The following TULP4 variants were observed in gnomAD, a reference collection of about 807,000 sequenced individuals.
TULP4 encodes the protein tubby-related protein 4.
TULP4 carries 16 observed loss-of-function variants against 129.0 expected under a neutral mutation model. That is an observed-to-expected ratio of 0.12 (90% CI 0.08 to 0.19). The LOEUF is 0.19. TULP4 is among the 10% of genes least tolerant of loss of function. The probability of loss-of-function intolerance (pLI) is 1.00; values close to 1 mark genes in which losing one functional copy is unlikely to be tolerated. For missense variants in TULP4, 1,842 were observed against 2,059.1 expected (o/e 0.89, Z 2.04); for synonymous variants, 998 against 854.0 (o/e 1.17, Z -2.94).
At chr6:158,386,205 AT>A (rs1206088169) in intron 1 of TULP4, among the ~76,000 whole-genome samples, 2 of 151,808 alleles carry the variant, frequency 1.3e-5, no homozygotes, top group East Asian at 1.9e-4. Context: ...CTCACCCTAA[AT>A]TTTTTTTATT....
rs56898948 is a variant in TULP4, at chr6:158,318,899, A to AT, written c.252+4657dup. Among the ~76,000 whole-genome samples the AT allele has an allele frequency of 9.5e-3, 1,298 of 136,822 alleles. 22 individuals carry two copies. The highest frequency in any genetic ancestry group is 0.031 in the African/African-American group (1,099 of 35,620). 89.8% of individuals were successfully genotyped at this position (136,822 alleles called of 152,430 possible). On this transcript the variant is annotated intron_variant, in intron 1 of 13. Coordinates refer to ENST00000367097, the MANE Select transcript of TULP4 (RefSeq NM_020245.5). The stretch of plus-strand genomic sequence containing the variant: ...TGCCACAATGTTCAGCTAGTTACAA[A>AT]TTTTTTTTTTTTTTTTTTTTTTTTT...
chr6:158,308,015 A>C (rs1284364817), upstream of TULP4, among the ~76,000 whole-genome samples: 7 of 147,038 alleles, frequency 4.8e-5, no homozygotes, highest in East Asian at 4.0e-4. Context: ...TTCTTTTTTT[A>C]TTTTTATTGA....
intron 1 of TULP4, chr6:158,242,162 G>T (rs775382310): frequency 1.8e-6 from 2 of 1,093,560 alleles, no homozygotes; most frequent in Non-Finnish European, 2.8e-6. Context: ...AGTCCTGCCT[G>T]TGGGTCTTCC....
intron 1 of TULP4, among the ~76,000 whole-genome samples, chr6:158,358,325 G>A (rs1691096067): frequency 6.6e-6 from 1 of 152,160 alleles, no homozygotes; most frequent in African/African-American, 2.4e-5. Context: ...AAGTGTACTT[G>A]GTGATATTAT....
chr6:158,368,681 C>T (rs1421145676), intron 1 of TULP4, among the ~76,000 whole-genome samples: 3 of 152,174 alleles, frequency 2.0e-5, no homozygotes, highest in Admixed American at 6.5e-5. Flanking sequence ...AATGGATCCT[C>T]ACAGATCCAT....
rs1228291576 is a variant in TULP4, at chr6:158,510,553, G to T, written c.*3859G>T. 1 of 152,204 alleles carries T rather than the reference G, an allele frequency of 6.6e-6. No homozygotes were observed. Among genetic ancestry groups the T allele is most frequent in the Non-Finnish European group, 1.5e-5 (1 of 68,046 alleles). The allele number at this position is 152,204 out of a possible 1,614,324, so 9.4% of individuals were successfully genotyped here. A position where few individuals can be genotyped will look rare whatever the true frequency, so the allele number is the denominator to read the frequency against. On this transcript the variant is annotated 3_prime_UTR_variant, in exon 14 of 14. Transcript: ENST00000367097. ...ATATATTTCACACCATTGCCTTTGT[G>T]TAGAGAAATATTTCTTTTCCTGTGT...
At chr6:158,494,222 T>C (rs2128257939) in intron 10 of TULP4, among the ~76,000 whole-genome samples, 1 of 151,946 alleles carries the variant, frequency 6.6e-6, no homozygotes, top group Non-Finnish European at 1.5e-5. Context: ...ATGACATTGC[T>C]CAGTGACTTC....
chr6:158,306,187 A>C (rs1779214436), intron 1 of TULP4, among the ~76,000 whole-genome samples: 1 of 152,262 alleles, frequency 6.6e-6, no homozygotes, highest in African/African-American at 2.4e-5. Flanking sequence ...AAACCTTAAC[A>C]GTATATGTGA....
At chr6:158,252,877 G>A (rs4710137) in intron 1 of TULP4, among the ~76,000 whole-genome samples, 49,994 of 152,042 alleles carry the variant, frequency 0.33, 9,217 homozygotes, top group Admixed American at 0.45. Flanking sequence ...TAGATGGGGT[G>A]GGTTTTTCTA....
At chr6:158,271,338 C>T (rs544954510) in intron 1 of TULP4, among the ~76,000 whole-genome samples, 1 of 151,996 alleles carries the variant, frequency 6.6e-6, no homozygotes, top group Admixed American at 6.6e-5. Context: ...CAAGTTGTGT[C>T]ATGACTTGTT....
chr6:158,455,553 A>G (rs1160503256), intron 5 of TULP4, among the ~76,000 whole-genome samples: 2 of 151,914 alleles, frequency 1.3e-5, no homozygotes, highest in East Asian at 2.0e-4. Flanking sequence ...CCTGGCCAAC[A>G]TGGCCAAACC....
At chr6:158,263,648 C>T (rs927383866) in intron 1 of TULP4, among the ~76,000 whole-genome samples, 17 of 151,960 alleles carry the variant, frequency 1.1e-4, no homozygotes, top group African/African-American at 2.4e-4. Flanking sequence ...CCCAGCTACC[C>T]GGGAGAGTAA....
intron 1 of TULP4, among the ~76,000 whole-genome samples, chr6:158,364,060 AT>A (rs1780863476): frequency 6.6e-6 from 1 of 152,202 alleles, no homozygotes; most frequent in African/African-American, 2.4e-5. Context: ...GAGCCAGGTA[AT>A]TTGACCAAAG....
intron 7 of TULP4, 134 bp downstream of exon 7, chr6:158,480,109 G>T: frequency 1.5e-6 from 1 of 682,250 alleles, no homozygotes. Flanking sequence ...CCTGTCATGT[G>T]CTGCCAGGTC....
At chr6:158,353,639 C>G (rs1780577297) in intron 1 of TULP4, among the ~76,000 whole-genome samples, 1 of 152,150 alleles carries the variant, frequency 6.6e-6, no homozygotes, top group Non-Finnish European at 1.5e-5. Context: ...TTAATTCGTT[C>G]AGGTGTCACT....
intron 1 of TULP4, among the ~76,000 whole-genome samples, chr6:158,288,274 A>G (rs1231809841): frequency 1.3e-5 from 2 of 151,992 alleles, no homozygotes; most frequent in African/African-American, 4.8e-5. Context: ...CAATCTTCCT[A>G]TACCTTATAT....
chr6:158,459,585 C>T (rs1388996041), intron 5 of TULP4, among the ~76,000 whole-genome samples: 1 of 150,508 alleles, frequency 6.6e-6, no homozygotes, highest in Non-Finnish European at 1.5e-5. Context: ...TAGGTCAGCT[C>T]TGCAGGGGCA....
At chr6:158,423,477 CATGAT>C (rs1240782553) in intron 2 of TULP4, among the ~76,000 whole-genome samples, 1 of 151,844 alleles carries the variant, frequency 6.6e-6, no homozygotes, top group Non-Finnish European at 1.5e-5. Context: ...AAATGTTTAA[CATGAT>C]ATGGCATTAA....
At chr6:158,395,880 T>C (rs1777703678) in intron 1 of TULP4, among the ~76,000 whole-genome samples, 1 of 152,142 alleles carries the variant, frequency 6.6e-6, no homozygotes, top group African/African-American at 2.4e-5. Flanking sequence ...ACTACAATTC[T>C]GTTTTATGCT....
Sources: gnomAD v4.1 joint callset for allele counts (sites outside exome capture counted in the v4.1 genomes callset) on GRCh38, gnomAD v4.1.1 for gene constraint, MANE v1.5 for transcripts, NCBI Gene and HGNC (gene_info 2026-07-23, HGNC 2026-07-21) for gene names.